NLGN1: variants seen among roughly 807,000 people sequenced by gnomAD.
NLGN1 encodes neuroligin-1.
Under a neutral mutation model 65.5 loss-of-function variants are expected in NLGN1, and 12 were observed. The ratio of observed to expected loss-of-function variants is 0.18; its 90% CI spans 0.12 to 0.30. NLGN1 has a LOEUF of 0.30. NLGN1 is among the 10% of genes least tolerant of loss of function. The probability of loss-of-function intolerance (pLI) is 1.00; values close to 1 mark genes in which losing one functional copy is unlikely to be tolerated. For missense variants in NLGN1, 750 were observed against 1,007.1 expected, an observed-to-expected ratio of 0.74 and a Z score of 3.46; for synonymous variants, 350 against 359.5, an observed-to-expected ratio of 0.97 and a Z score of 0.30.
intron 3 of NLGN1, among the ~76,000 whole-genome samples, chr3:173,797,694 A>C (rs1714419586): frequency 2.1e-5 from 1 of 48,702 alleles, no homozygotes; most frequent in African/African-American, 7.0e-5. Context: ...CAACAACAAC[A>C]ACAACAAAAA....
At chr3:174,275,457 G>A in exon 5 of NLGN1, 1 of 1,612,614 alleles carries the variant, frequency 6.2e-7, no homozygotes, top group Non-Finnish European at 8.5e-7. Context: ...CTGGTGCTGG[G>A]GGTTCATGTG....
intron 4 of NLGN1, among the ~76,000 whole-genome samples, chr3:174,271,276 G>A (rs559021162): frequency 1.3e-5 from 2 of 148,266 alleles, no homozygotes; most frequent in Admixed American, 6.8e-5. Flanking sequence ...CATTCTAGAT[G>A]TCATCTCAAA....
intron 2 of NLGN1, among the ~76,000 whole-genome samples, chr3:173,565,848 C>T (rs926508645): frequency 6.6e-6 from 1 of 152,030 alleles, no homozygotes; most frequent in Non-Finnish European, 1.5e-5. Context: ...TTTATTAAGG[C>T]CATAGATGTA....
intron 4 of NLGN1, among the ~76,000 whole-genome samples, chr3:173,814,816 C>A (rs187365986): frequency 2.6e-5 from 4 of 152,100 alleles, no homozygotes; most frequent in African/African-American, 9.6e-5. Context: ...AATAATTAAA[C>A]AAATCATATA....
chr3:173,516,012 A>G (rs899137750), intron 2 of NLGN1, among the ~76,000 whole-genome samples: 3 of 152,090 alleles, frequency 2.0e-5, no homozygotes, highest in Non-Finnish European at 4.4e-5. Context: ...GAGAGACCAT[A>G]TGATTTTTAT....
intron 4 of NLGN1, among the ~76,000 whole-genome samples, chr3:173,833,037 A>G (rs975032260): frequency 1.6e-5 from 1 of 60,868 alleles, no homozygotes; most frequent in Non-Finnish European, 3.5e-5. Flanking sequence ...AGGCTATTAC[A>G]TATTATTACA....
intron 2 of NLGN1, among the ~76,000 whole-genome samples, chr3:173,601,378 G>A (rs1750517685): frequency 6.6e-6 from 1 of 152,068 alleles, no homozygotes; most frequent in African/African-American, 2.4e-5. Context: ...TAATTGATTA[G>A]TTGCTAGAAT....
At chr3:173,584,717 T>C (rs1433891331) in intron 2 of NLGN1, 1 of 149,960 alleles carries the variant, frequency 6.7e-6, no homozygotes, top group East Asian at 2.0e-4. Context: ...TTCTGGATCG[T>C]GGTTGCATCT....
At chr3:173,811,687 C>A (rs1373401182) in intron 4 of NLGN1, among the ~76,000 whole-genome samples, 1 of 150,284 alleles carries the variant, frequency 6.7e-6, no homozygotes, top group Non-Finnish European at 1.5e-5. Context: ...CTAGGGTAAA[C>A]ATGTTCTTAT....
At chr3:174,197,305 G>A (rs1381541835) in intron 4 of NLGN1, among the ~76,000 whole-genome samples, 2 of 151,894 alleles carry the variant, frequency 1.3e-5, no homozygotes, top group African/African-American at 4.8e-5. Flanking sequence ...CAGAATTACA[G>A]GAAGGCTACA....
chr3:173,667,496 A>G (rs1360691452), intron 3 of NLGN1, among the ~76,000 whole-genome samples: 3 of 152,218 alleles, frequency 2.0e-5, no homozygotes, highest in Non-Finnish European at 4.4e-5. Flanking sequence ...TGAAAACCAA[A>G]TAATTACATT....
chr3:173,510,999 G>A (rs951985088), intron 2 of NLGN1, among the ~76,000 whole-genome samples: 4 of 152,122 alleles, frequency 2.6e-5, no homozygotes, highest in Admixed American at 6.6e-5. Context: ...GTTCTTTTGT[G>A]CATAGTTGAG....
intron 4 of NLGN1, among the ~76,000 whole-genome samples, chr3:174,121,372 G>C (rs1358712519): frequency 1.3e-5 from 2 of 152,194 alleles, no homozygotes; most frequent in Non-Finnish European, 2.9e-5. Context: ...TTACTGACCA[G>C]ACACATTTCC....
At chr3:173,527,644 G>A (rs574413004) in intron 2 of NLGN1, among the ~76,000 whole-genome samples, 13 of 152,274 alleles carry the variant, frequency 8.5e-5, no homozygotes, top group South Asian at 6.2e-4. Context: ...TGATCTGCCC[G>A]CCTCGGCCTC....
chr3:174,176,555 C>T (rs1729479298), intron 4 of NLGN1, among the ~76,000 whole-genome samples: 1 of 151,884 alleles, frequency 6.6e-6, no homozygotes, highest in Non-Finnish European at 1.5e-5. Flanking sequence ...GCCATTTTAG[C>T]TTAGCGCTTC....
intron 4 of NLGN1, among the ~76,000 whole-genome samples, chr3:174,027,504 T>C (rs1729088974): frequency 6.6e-6 from 1 of 152,064 alleles, no homozygotes; most frequent in South Asian, 2.1e-4. Flanking sequence ...ATTTCAGAAT[T>C]CCAAATTTTT....
chr3:173,555,877 C>T (rs986004518), intron 2 of NLGN1, among the ~76,000 whole-genome samples: 1 of 152,186 alleles, frequency 6.6e-6, no homozygotes, highest in Non-Finnish European at 1.5e-5. Flanking sequence ...AAAAGATTGA[C>T]ATTATTTATT....
chr3:174,117,939 TG>T (rs1716894864), intron 4 of NLGN1, among the ~76,000 whole-genome samples: 1 of 152,204 alleles, frequency 6.6e-6, no homozygotes, highest in Non-Finnish European at 1.5e-5. Flanking sequence ...TGAACTAATC[TG>T]GCTTCAAAGA....
intron 4 of NLGN1, among the ~76,000 whole-genome samples, chr3:173,987,110 T>G (rs1248057899): frequency 6.6e-6 from 1 of 152,172 alleles, no homozygotes; most frequent in African/African-American, 2.4e-5. Context: ...ATTTTTAAAG[T>G]GGATGTTAGA....
Sources: gnomAD v4.1 joint callset for allele counts (sites outside exome capture counted in the v4.1 genomes callset) on GRCh38, gnomAD v4.1.1 for gene constraint, MANE v1.5 for transcripts, NCBI Gene and HGNC (gene_info 2026-07-23, HGNC 2026-07-21) for gene names.